The following A1CF variants were observed in gnomAD, a reference collection of about 807,000 sequenced individuals.
A1CF encodes the protein APOBEC-1 stimulating protein.
A neutral mutation model predicts 68.9 loss-of-function variants in A1CF; 48 were observed. That is an observed-to-expected ratio of 0.70 (90% confidence interval 0.55 to 0.89). The LOEUF is 0.89. A1CF is among the 40% of genes least tolerant of loss of function. The pLI is 0.00. For missense variants in A1CF, 653 were observed against 718.9 expected (o/e 0.91, Z 1.05); for synonymous variants, 272 against 260.4 (o/e 1.04, Z -0.43).
In A1CF at chr10:50,816,200, G is replaced by A; in HGVS notation, c.947C>T (p.Thr316Ile). The A allele has an allele frequency of 6.2e-7, 1 of 1,613,750 alleles. No individual in the cohort carries two copies. The highest frequency in any genetic ancestry group is 8.5e-7 in the Non-Finnish European group (1 of 1,179,828). The change falls in exon 9 of 13, where the codon ACA becomes ATA. Residue 316 changes from threonine to isoleucine, a missense_variant. Thr to Ile is a moderately conservative substitution (Grantham distance 89). Coordinates refer to ENST00000373997, the MANE Select transcript of A1CF (RefSeq NM_014576.4). ...KDSYVRYTRG[T>I]GGRGTMLQGE... ...TTGCAGCATGGTGCCCCTTCCACCT[G>A]TGCCTCGGGTATACCTAACATAACT...
intron 1 of A1CF, among the ~76,000 whole-genome samples, chr10:50,867,710 A>G (rs950646239): frequency 1.3e-5 from 2 of 152,218 alleles, no homozygotes; most frequent in African/African-American, 4.8e-5. Context: ...TGTGAATGAC[A>G]GGCAGAGAGG....
chr10:50,824,006 T>G (rs539145718), intron 7 of A1CF: 24 of 152,188 alleles, frequency 1.6e-4, no homozygotes, highest in South Asian at 4.1e-4. Context: ...TAGCTCTGAC[T>G]TTTCCCTCTT....
chr10:50,873,017 G>A (rs1352986718), intron 1 of A1CF, among the ~76,000 whole-genome samples: 1 of 142,634 alleles, frequency 7.0e-6, no homozygotes, highest in Non-Finnish European at 1.5e-5. Flanking sequence ...GTGTGGTGGG[G>A]TGATCTCAGC....
At chr10:50,850,769 C>G in intron 3 of A1CF, 1 of 1,614,000 alleles carries the variant, frequency 6.2e-7, no homozygotes, top group Non-Finnish European at 8.5e-7. Context: ...GGGCATGTGC[C>G]CAGACACACT....
chr10:50,850,825 G>C (rs1158159562), intron 3 of A1CF: 4 of 1,601,704 alleles, frequency 2.5e-6, no homozygotes, highest in Non-Finnish European at 3.4e-6. Context: ...GAAGTAATTA[G>C]GTGACAGCTT....
intron 1 of A1CF, among the ~76,000 whole-genome samples, chr10:50,865,841 C>T (rs1456876759): frequency 6.6e-6 from 1 of 152,164 alleles, no homozygotes; most frequent in Non-Finnish European, 1.5e-5. Flanking sequence ...CCTGTACATC[C>T]TTGTATTGTT....
intron 1 of A1CF, among the ~76,000 whole-genome samples, chr10:50,876,184 A>G (rs1003818762): frequency 6.6e-6 from 1 of 152,222 alleles, no homozygotes; most frequent in Non-Finnish European, 1.5e-5. Context: ...ATAGATGTAT[A>G]AGTGAACTAG....
chr10:50,838,286 T>C (rs1839614862), intron 5 of A1CF, among the ~76,000 whole-genome samples: 1 of 152,132 alleles, frequency 6.6e-6, no homozygotes. Context: ...GTCAGATCTG[T>C]GACAGGTCCA....
chr10:50,806,723 G>A lies in A1CF; in HGVS notation c.*6C>T, dbSNP rs777796834. On this transcript the variant is annotated 3_prime_UTR_variant, in exon 13 of 13. Coordinates refer to ENST00000373997, the MANE Select transcript of A1CF (RefSeq NM_014576.4). ...GTGTCTTATTCTTAAATTTAAAAAA[G>A]CATCTTCAGAAGGTGCCATATCCAT... 12 of 1,566,694 alleles carry A rather than the reference G, an allele frequency of 7.7e-6. No individual in the cohort carries two copies. In the Admixed American group the frequency reaches 2.3e-4, roughly 30 times the overall value.
In A1CF at chr10:50,803,252, C is replaced by G. The variant is rs1487981793; in HGVS notation, c.*3477G>C. The G allele has an allele frequency of 6.6e-6, 1 of 151,562 alleles. No homozygotes were observed. The highest frequency in any genetic ancestry group is 1.5e-5 in the Non-Finnish European group (1 of 68,032). The allele number at this position is 151,562 out of a possible 1,614,324, so 9.4% of individuals were successfully genotyped here. The stretch of plus-strand genomic sequence containing the variant: ...CACAGGCCCACGCCACCACAACTGG[C>G]CAATTAAATTAAATTTGTTTTTTTT... On this transcript the variant is annotated 3_prime_UTR_variant, in exon 13 of 13. Coordinates refer to ENST00000373997, the MANE Select transcript of A1CF (RefSeq NM_014576.4).
rs1837789497 is a variant in A1CF, at chr10:50,805,784, G to A, written c.*945C>T. On this transcript the variant is annotated 3_prime_UTR_variant, in exon 13 of 13. Coordinates refer to ENST00000373997, the MANE Select transcript of A1CF (RefSeq NM_014576.4). ...ATATCAAAGAAATGAGAGCAAATCT[G>A]CACTTCTCTCTTTAAAATGACTTTT... is the stretch of plus-strand genomic sequence containing the variant. 1 of 152,202 alleles carries A rather than the reference G, an allele frequency of 6.6e-6. No homozygotes were observed. The highest frequency in any genetic ancestry group is 1.5e-5 in the Non-Finnish European group (1 of 68,038). The allele number at this position is 152,202 out of a possible 1,614,324, so 9.4% of individuals were successfully genotyped here.
intron 12 of A1CF, among the ~76,000 whole-genome samples, chr10:50,809,381 A>G (rs560557649): frequency 6.6e-6 from 1 of 152,316 alleles, no homozygotes; most frequent in South Asian, 2.1e-4. Flanking sequence ...GGAGAGGGAG[A>G]AAAGATTGCT....
At chr10:50,858,599 A>G (rs1332202094) in intron 3 of A1CF, among the ~76,000 whole-genome samples, 1 of 152,144 alleles carries the variant, frequency 6.6e-6, no homozygotes, top group Admixed American at 6.6e-5. Context: ...TGCTGTTTGA[A>G]AGGGTTGAAA....
In A1CF at chr10:50,865,642, T is replaced by A. The variant is rs375959660; in HGVS notation, c.-93-1562A>T. On this transcript the variant is annotated intron_variant, in intron 1 of 12. Transcript: ENST00000373997. ...CATGCCCTGCCACTTGGCCTTCCCATGCTTTCTTACACTTCCAGTTTCTCT... is the reference window on the plus strand; with the variant it reads ...CATGCCCTGCCACTTGGCCTTCCCAAGCTTTCTTACACTTCCAGTTTCTCT... 3.5e-4 allele frequency among the ~76,000 whole-genome samples: 53 copies of A among 152,300 alleles called. 2 individuals are homozygous for A. In the South Asian group the frequency reaches 1.0e-2, roughly 29 times the overall value.
intron 8 of A1CF, among the ~76,000 whole-genome samples, chr10:50,818,097 TAC>T (rs1441887165): frequency 2.6e-5 from 4 of 152,186 alleles, no homozygotes; most frequent in African/African-American, 9.6e-5. Flanking sequence ...ATTTATCCCT[TAC>T]TGTTCTGCAT....
chr10:50,831,388 T>C (rs1839230369), intron 6 of A1CF, among the ~76,000 whole-genome samples: 1 of 152,172 alleles, frequency 6.6e-6, no homozygotes, highest in African/African-American at 2.4e-5. Flanking sequence ...CCCAAATATA[T>C]AGAGAACTCA....
intron 1 of A1CF, among the ~76,000 whole-genome samples, chr10:50,870,841 G>A (rs1841231432): frequency 6.6e-6 from 1 of 151,618 alleles, no homozygotes; most frequent in Non-Finnish European, 1.5e-5. Flanking sequence ...TATCATAGGA[G>A]TATAGATATG....
At position 50,806,894 on chromosome 10, in the gene A1CF, C is replaced by A; in HGVS notation, c.1610-14G>T. On this transcript the variant is annotated splice_polypyrimidine_tract_variant and intron_variant, in intron 12 of 12. Transcript: ENST00000373997. Reference sequence around the variant, plus strand: ...GGACAGCATATCCTGGAGGAAGAGGCAGAGAAAACTTGATGAAAGGAATTC... The same window carrying A: ...GGACAGCATATCCTGGAGGAAGAGGAAGAGAAAACTTGATGAAAGGAATTC... 2 of 1,592,228 alleles carry A rather than the reference C, an allele frequency of 1.3e-6. No homozygotes were observed. Among genetic ancestry groups the A allele is most frequent in the South Asian group, 2.3e-5 (2 of 86,526 alleles).
chr10:50,852,638 G>A (rs932646242), intron 3 of A1CF, among the ~76,000 whole-genome samples: 4 of 152,098 alleles, frequency 2.6e-5, no homozygotes, highest in Non-Finnish European at 4.4e-5. Flanking sequence ...GGTGAAAACA[G>A]GCAATAGAGG....
Sources: allele counts gnomAD v4.1 joint callset (sites outside exome capture counted in the v4.1 genomes callset), GRCh38; gene constraint gnomAD v4.1.1; transcripts MANE v1.5; gene names NCBI Gene and HGNC (gene_info 2026-07-23, HGNC 2026-07-21).